Variants in RNGTT observed in about 807,000 individuals in gnomAD.
RNGTT encodes the protein RNA guanylyltransferase and 5'-phosphatase.
In RNGTT, 33 loss-of-function variants were observed where a neutral mutation model predicts 79.3. The ratio of observed to expected loss-of-function variants is 0.42; its 90% CI spans 0.32 to 0.56. The LOEUF is 0.56. RNGTT is among the 20% of genes least tolerant of loss of function. The pLI is 0.17. For synonymous variants in RNGTT, 222 were observed against 235.9 expected (o/e 0.94, Z 0.54); for missense variants, 497 against 739.1 (o/e 0.67, Z 3.80).
chr6:88,748,549 A>AT lies in RNGTT; in HGVS notation c.1439+21224dup, dbSNP rs889505987. ...AACACTCAACCCCTTATTATACTTA[A>AT]TTTTTTTACAAATACTGATTTAGCT... On this transcript the variant is annotated intron_variant, in intron 13 of 15. Coordinates refer to ENST00000369485, the MANE Select transcript of RNGTT (RefSeq NM_003800.5). 7.2e-5 allele frequency among the ~76,000 whole-genome samples: 11 copies of AT among 152,080 alleles called. No individual in the cohort carries two copies. In the East Asian group the frequency reaches 1.7e-3, roughly 24 times the overall value.
chr6:88,652,421 GA>G (rs534681025), intron 14 of RNGTT, among the ~76,000 whole-genome samples: 2 of 151,758 alleles, frequency 1.3e-5, no homozygotes, highest in African/African-American at 2.4e-5. Context: ...TCACAATTTA[GA>G]AAAAAAACTA....
intron 14 of RNGTT, among the ~76,000 whole-genome samples, chr6:88,663,936 C>T (rs1354403381): frequency 6.6e-6 from 1 of 152,168 alleles, no homozygotes; most frequent in Non-Finnish European, 1.5e-5. Flanking sequence ...GATTGACTTG[C>T]TCCAAACTAT....
chr6:88,689,824 A>G (rs920633324), intron 13 of RNGTT, among the ~76,000 whole-genome samples: 5 of 151,962 alleles, frequency 3.3e-5, no homozygotes, highest in Middle Eastern at 3.4e-3. Flanking sequence ...AGTGAGAAAC[A>G]TTATATTGCA....
chr6:88,892,908 C>T (rs1783097361), intron 6 of RNGTT, among the ~76,000 whole-genome samples: 1 of 152,032 alleles, frequency 6.6e-6, no homozygotes, highest in Admixed American at 6.6e-5. Flanking sequence ...GTCCTTCCAG[C>T]AGACACTAGT....
Position 88,670,421 on chromosome 6 carries a change from G to A in RNGTT, c.1506+7932C>T, listed in dbSNP as rs191166570. The stretch of plus-strand genomic sequence containing the variant: ...CAAGTGTATTACATGAATCACTATC[G>A]GTCTGTCTCGCAAAAAGACCTAGAT... On this transcript the variant is annotated intron_variant, in intron 14 of 15. Transcript: ENST00000369485. 9.9e-5 allele frequency among the ~76,000 whole-genome samples: 15 copies of A among 152,116 alleles called. No homozygotes were observed. The East Asian group carries it at 1.9e-3, about 20-fold the overall frequency.
At chr6:88,771,348 T>C (rs112584999) in intron 12 of RNGTT, among the ~76,000 whole-genome samples, 20,235 of 128,790 alleles carry the variant, frequency 0.16, 1,987 homozygotes, top group Middle Eastern at 0.27. Context: ...TATATATATA[T>C]ATACACACAC....
intron 13 of RNGTT, among the ~76,000 whole-genome samples, chr6:88,768,078 G>A (rs538627910): frequency 4.2e-4 from 63 of 151,778 alleles, no homozygotes; most frequent in South Asian, 1.0e-3. Flanking sequence ...CCAGATAATT[G>A]TTCTAACAAC....
At chr6:88,635,109 A>T (rs1025105209) in intron 14 of RNGTT, among the ~76,000 whole-genome samples, 1 of 152,092 alleles carries the variant, frequency 6.6e-6, no homozygotes, top group African/African-American at 2.4e-5. Context: ...AGAAAACTAT[A>T]AAATGCCTAG....
chr6:88,846,753 G>A (rs550447815), intron 10 of RNGTT, among the ~76,000 whole-genome samples: 1 of 144,316 alleles, frequency 6.9e-6, no homozygotes, highest in South Asian at 2.2e-4. Flanking sequence ...GAGGAAGACT[G>A]TCTCAAAAAA....
chr6:88,797,287 C>T (rs373674398), intron 12 of RNGTT, among the ~76,000 whole-genome samples: 1 of 152,070 alleles, frequency 6.6e-6, no homozygotes, highest in Non-Finnish European at 1.5e-5. Context: ...AGATTAGAGA[C>T]CACTGAAAAT....
At chr6:88,679,176 A>G (rs1490036081) in intron 13 of RNGTT, among the ~76,000 whole-genome samples, 1 of 152,204 alleles carries the variant, frequency 6.6e-6, no homozygotes, top group Non-Finnish European at 1.5e-5. Context: ...GGAAAACCTG[A>G]CAAATACCTA....
intron 14 of RNGTT, among the ~76,000 whole-genome samples, chr6:88,637,793 T>C (rs952732921): frequency 2.0e-5 from 3 of 152,126 alleles, no homozygotes; most frequent in Non-Finnish European, 4.4e-5. Flanking sequence ...GAGGGATGAT[T>C]GTGGTAAAGA....
At chr6:88,624,406 G>A (rs1359268342) in intron 14 of RNGTT, among the ~76,000 whole-genome samples, 2 of 151,862 alleles carry the variant, frequency 1.3e-5, no homozygotes, top group Admixed American at 6.6e-5. Context: ...AAACAGAATA[G>A]AGAGCTCACA....
intron 2 of RNGTT, among the ~76,000 whole-genome samples, chr6:88,935,997 A>G (rs1195798965): frequency 6.6e-6 from 1 of 152,136 alleles, no homozygotes; most frequent in East Asian, 1.9e-4. Context: ...ATGGCTCACC[A>G]CTGCCTGGAA....
chr6:88,612,987 AT>A, intron 15 of RNGTT, 105 bp from the exon 16 acceptor site: 1 of 1,034,544 alleles, frequency 9.7e-7, no homozygotes, highest in Non-Finnish European at 1.4e-6. Context: ...AATACTTTCC[AT>A]TTTACCCATT....
intron 14 of RNGTT, among the ~76,000 whole-genome samples, chr6:88,666,129 G>T (rs928551003): frequency 1.3e-5 from 2 of 152,134 alleles, no homozygotes; most frequent in Non-Finnish European, 2.9e-5. Context: ...ACAAAGGGGG[G>T]TGACATGGAA....
chr6:88,786,635 C>A (rs748059252), intron 12 of RNGTT, among the ~76,000 whole-genome samples: 1 of 152,088 alleles, frequency 6.6e-6, no homozygotes, highest in African/African-American at 2.4e-5. Context: ...AAAGCTTGAA[C>A]CTTAAACCTT....
At position 88,853,653 on chromosome 6, in the gene RNGTT, A is replaced by G. The variant is rs1336163383; in HGVS notation, c.1008T>C (p.His336=). Residue 336 remains histidine, a synonymous_variant, in exon 9 of 16, where the codon CAT becomes CAC. Transcript: ENST00000369485. ...EFPFRKDLRM[H]LSNTLLDGEM... is the part of the protein sequence containing the mutation. ...CGCCATCCAAGAGAGTATTTGATAA[A>G]TGCATACGAAGATCTTTACGAAATG... 3.8e-6 allele frequency: 6 copies of G among 1,591,936 alleles called. No homozygotes were observed. The highest frequency in any genetic ancestry group is 1.4e-5 in the African/African-American group (1 of 73,862).
chr6:88,750,868 G>A (rs1777818293), intron 13 of RNGTT, among the ~76,000 whole-genome samples: 1 of 152,058 alleles, frequency 6.6e-6, no homozygotes, highest in African/African-American at 2.4e-5. Flanking sequence ...TTTATATGTG[G>A]AATATATAAA....
Sources: allele counts gnomAD v4.1 joint callset (sites outside exome capture counted in the v4.1 genomes callset), GRCh38; gene constraint gnomAD v4.1.1; transcripts MANE v1.5; gene names NCBI Gene and HGNC (gene_info 2026-07-23, HGNC 2026-07-21).